GXYLT1: variants seen among roughly 807,000 people sequenced by gnomAD.
The protein encoded by GXYLT1 is glycosyltransferase 8 domain containing 3.
Under a neutral mutation model 54.0 loss-of-function variants are expected in GXYLT1, and 29 were observed. The observed-to-expected ratio is 0.54, with a 90% CI of 0.40 to 0.73. The LOEUF is 0.73. Ranked by LOEUF, GXYLT1 falls within the 30% of genes least tolerant of loss-of-function variation. GXYLT1 has a pLI of 0.00. For synonymous variants in GXYLT1, 176 were observed against 204.1 expected, an observed-to-expected ratio of 0.86 and a Z score of 1.17; for missense variants, 490 against 553.4, an observed-to-expected ratio of 0.89 and a Z score of 1.15.
chr12:42,116,259 CA>C (rs2065494160), intron 3 of GXYLT1, among the ~76,000 whole-genome samples: 1 of 152,018 alleles, frequency 6.6e-6, no homozygotes, highest in African/African-American at 2.4e-5. Context: ...GCAATGGCAA[CA>C]AAAGCCAAAA....
intron 3 of GXYLT1, among the ~76,000 whole-genome samples, chr12:42,110,590 A>T (rs914598936): frequency 1.3e-5 from 2 of 152,116 alleles, no homozygotes; most frequent in Non-Finnish European, 2.9e-5. Context: ...TGTCACCCAG[A>T]CTGGGCTGAA....
chr12:42,136,809 A>C (rs531368312), intron 1 of GXYLT1, among the ~76,000 whole-genome samples: 13 of 142,198 alleles, frequency 9.1e-5, no homozygotes, highest in African/African-American at 2.8e-4. Context: ...CACACACACA[A>C]GTCGCCCAGG....
intron 2 of GXYLT1, among the ~76,000 whole-genome samples, chr12:42,120,496 C>T (rs914121260): frequency 1.3e-5 from 2 of 152,068 alleles, no homozygotes; most frequent in South Asian, 2.1e-4. Flanking sequence ...ACTTCTTTCA[C>T]GTCTGGTGTT....
At chr12:42,089,370 G>GT (rs1272104593) in intron 7 of GXYLT1, among the ~76,000 whole-genome samples, 2 of 150,584 alleles carry the variant, frequency 1.3e-5, no homozygotes, top group African/African-American at 4.9e-5. Flanking sequence ...ATAGCATTAG[G>GT]AGACATACCT....
intron 7 of GXYLT1, among the ~76,000 whole-genome samples, chr12:42,092,357 T>C (rs2065333771): frequency 6.6e-6 from 1 of 152,192 alleles, no homozygotes; most frequent in African/African-American, 2.4e-5. Flanking sequence ...AGTGATCACA[T>C]GTATTAATAC....
intron 1 of GXYLT1, among the ~76,000 whole-genome samples, chr12:42,131,606 T>C (rs78714812): frequency 0.012 from 1,857 of 152,344 alleles, 24 homozygotes; most frequent in Non-Finnish European, 0.019. Context: ...CATTCTAGCA[T>C]AGCACAAAAG....
At chr12:42,103,943 A>G (rs2065404301) in intron 5 of GXYLT1, among the ~76,000 whole-genome samples, 1 of 152,200 alleles carries the variant, frequency 6.6e-6, no homozygotes, top group Non-Finnish European at 1.5e-5. Flanking sequence ...AATAAGTAAT[A>G]GGTAAGTTAA....
In GXYLT1 at chr12:42,087,826, C is replaced by A; in HGVS notation, c.1283G>T (p.Ser428Ile). The change falls in exon 8 of 8, where the codon AGT becomes ATT. Residue 428 changes from serine to isoleucine, a missense_variant. By Grantham distance (142) the Ser-to-Ile change is moderately radical (BLOSUM62 -2). This residue lies in a region of GXYLT1 where 342 missense variants were observed against 342.6 expected (regional missense o/e 1.00). Transcript: ENST00000398675. ...TGATCTGGCATAACGATCTCTTACACTTTTTGCTAGTTGTTTGATAAATAT... is the reference window on the plus strand; with the variant it reads ...TGATCTGGCATAACGATCTCTTACAATTTTTGCTAGTTGTTTGATAAATAT... ...YKIFIKQLAK[S>I]VRDRYARSPK... 1 of 1,606,836 alleles carries A rather than the reference C, an allele frequency of 6.2e-7. No individual in the cohort carries two copies.
intron 1 of GXYLT1, among the ~76,000 whole-genome samples, chr12:42,137,503 CA>C (rs34628599): frequency 0.015 from 1,064 of 71,640 alleles, 9 homozygotes; most frequent in African/African-American, 0.049. Flanking sequence ...GCATCTGTTT[CA>C]AAAAAAAAAA....
rs527701322 is a variant in GXYLT1 at position 42,084,409 on chromosome 12, T to C, written c.*3377A>G. The stretch of plus-strand genomic sequence containing the variant: ...CATAAACAAATTCATACTGGAGATA[T>C]ATGTCAGAAAACATTCAGCCTGAGT... On this transcript the variant is annotated 3_prime_UTR_variant, in exon 8 of 8. Coordinates refer to ENST00000398675, the MANE Select transcript of GXYLT1 (RefSeq NM_173601.2). 6.6e-6 allele frequency: 1 copy of C among 152,500 alleles called. No homozygotes were observed. Among genetic ancestry groups the C allele is most frequent in the East Asian group, 1.9e-4 (1 of 5,198 alleles). 9.4% of individuals were successfully genotyped at this position (152,500 alleles called of 1,614,324 possible).
At chr12:42,099,476 A>C (rs1014129932) in intron 5 of GXYLT1, among the ~76,000 whole-genome samples, 12 of 152,244 alleles carry the variant, frequency 7.9e-5, no homozygotes, top group Admixed American at 2.0e-4. Context: ...CATCCTATCT[A>C]ATTTTTATAC....
At chr12:42,137,618 G>A (rs757698700) in intron 1 of GXYLT1, among the ~76,000 whole-genome samples, 10 of 151,192 alleles carry the variant, frequency 6.6e-5, no homozygotes, top group Non-Finnish European at 1.2e-4. Flanking sequence ...TTATCTGGGC[G>A]TGGTGGCAGG....
intron 1 of GXYLT1, among the ~76,000 whole-genome samples, chr12:42,134,811 T>A (rs141366926): frequency 2.0e-4 from 30 of 152,300 alleles, no homozygotes; most frequent in African/African-American, 6.7e-4. Flanking sequence ...TTAATTGTCT[T>A]CCCCTTAGCT....
Position 42,144,557 on chromosome 12 carries a change from C to G in GXYLT1, c.90G>C (p.Leu30=), listed in dbSNP as rs745349960. Reference sequence around the variant, plus strand: ...CGCCACCGCCGCCCGTTCCTTCTTCCAGGGACACGGCGAGCTGGCTGAAAG... The same window carrying G: ...CGCCACCGCCGCCCGTTCCTTCTTCGAGGGACACGGCGAGCTGGCTGAAAG... ...LYAFSQLAVS[L]EEGTGGGGGK... is the part of the protein sequence containing the mutation. The change falls in exon 1 of 8, where the codon CTG becomes CTC. Residue 30 remains leucine, a synonymous_variant. Coordinates refer to ENST00000398675, the MANE Select transcript of GXYLT1 (RefSeq NM_173601.2). 602 of 1,461,174 alleles carry G rather than the reference C, an allele frequency of 4.1e-4. No homozygotes were observed. The highest frequency in any genetic ancestry group is 4.4e-4 in the Non-Finnish European group (485 of 1,105,772). 90.5% of individuals were successfully genotyped at this position (1,461,174 alleles called of 1,614,324 possible). A position where few individuals can be genotyped will look rare whatever the true frequency, so the allele number is the denominator to read the frequency against.
chr12:42,134,728 G>A lies in GXYLT1; in HGVS notation c.222-4877C>T, dbSNP rs114644066. Among the ~76,000 whole-genome samples, 589 of 152,256 alleles carry A rather than the reference G, an allele frequency of 3.9e-3. 9 individuals are homozygous for A. Among genetic ancestry groups the A allele is most frequent in the African/African-American group, 0.014 (573 of 41,548 alleles). ...CACAATCTTCAGTTGAAACTGAGCT[G>A]TTCATTCACATTCTCAGATGAATAC... is the stretch of plus-strand genomic sequence containing the variant. On this transcript the variant is annotated intron_variant, in intron 1 of 7. Transcript: ENST00000398675.
chr12:42,112,529 AG>A (rs1310987860), intron 3 of GXYLT1, among the ~76,000 whole-genome samples: 1 of 152,198 alleles, frequency 6.6e-6, no homozygotes, highest in Admixed American at 6.5e-5. Flanking sequence ...ACCAACTGGA[AG>A]AAAGGGTATC....
chr12:42,139,249 T>C (rs112908071), intron 1 of GXYLT1, among the ~76,000 whole-genome samples: 2 of 151,838 alleles, frequency 1.3e-5, no homozygotes, highest in Non-Finnish European at 2.9e-5. Flanking sequence ...TATTTTTTCA[T>C]CAACCAAGTA....
intron 3 of GXYLT1, among the ~76,000 whole-genome samples, chr12:42,114,215 A>T (rs1157671521): frequency 6.6e-6 from 1 of 152,238 alleles, no homozygotes; most frequent in East Asian, 1.9e-4. Context: ...TCACAATTAA[A>T]AGAGCTAGAA....
chr12:42,109,728 C>G (rs750884626), intron 3 of GXYLT1, 37 bp from the exon 4 acceptor site: 58 of 1,315,026 alleles, frequency 4.4e-5, no homozygotes, highest in Non-Finnish European at 9.5e-6. Flanking sequence ...TAGTTTCACT[C>G]TGAATTTTCT....
Sources: allele counts gnomAD v4.1 joint callset (sites outside exome capture counted in the v4.1 genomes callset), GRCh38; gene constraint gnomAD v4.1.1; regional missense constraint gnomAD v4.1.1; transcripts MANE v1.5; gene names NCBI Gene and HGNC (gene_info 2026-07-23, HGNC 2026-07-21).